DKK3: variants seen among roughly 807,000 people sequenced by gnomAD.
DKK3 encodes the protein dickkopf Wnt signaling pathway inhibitor 3.
Under a neutral mutation model 33.2 loss-of-function variants are expected in DKK3, and 22 were observed. The observed-to-expected ratio is 0.66, with a 90% CI of 0.47 to 0.95. The LOEUF (loss-of-function observed/expected upper bound fraction) is 0.95, where lower values mean the gene tolerates loss of function less well. DKK3 is among the 40% of genes least tolerant of loss of function. The probability of loss-of-function intolerance (pLI) is 0.00; values close to 1 mark genes in which losing one functional copy is unlikely to be tolerated. For missense variants in DKK3, 398 were observed against 458.4 expected, an observed-to-expected ratio of 0.87 and a Z score of 1.20; for synonymous variants, 194 against 188.8, an observed-to-expected ratio of 1.03 and a Z score of -0.23.
intron 3 of DKK3, among the ~76,000 whole-genome samples, chr11:11,969,330 A>G (rs538968255): frequency 5.3e-5 from 8 of 152,174 alleles, no homozygotes; most frequent in Admixed American, 2.0e-4. Flanking sequence ...AGGAGGGAAC[A>G]TGATGACAGG....
intron 3 of DKK3, among the ~76,000 whole-genome samples, chr11:11,991,971 T>C (rs1168303423): frequency 6.6e-6 from 1 of 152,244 alleles, no homozygotes; most frequent in Non-Finnish European, 1.5e-5. Context: ...CATATTGTAA[T>C]GACTTGTTTA....
intron 1 of DKK3, among the ~76,000 whole-genome samples, chr11:12,005,428 C>T (rs1848517827): frequency 6.6e-6 from 1 of 152,178 alleles, no homozygotes; most frequent in Non-Finnish European, 1.5e-5. Flanking sequence ...GCAGTAAGAA[C>T]ATTCTAAAAT....
At chr11:11,976,412 G>A (rs561116083) in intron 3 of DKK3, among the ~76,000 whole-genome samples, 9 of 152,368 alleles carry the variant, frequency 5.9e-5, no homozygotes, top group South Asian at 4.1e-4. Context: ...ACCTCAGCTC[G>A]TCCTCACACT....
At chr11:11,996,100 T>C (rs762578732) in intron 3 of DKK3, among the ~76,000 whole-genome samples, 6 of 152,224 alleles carry the variant, frequency 3.9e-5, no homozygotes, top group Non-Finnish European at 8.8e-5. Context: ...AGCTCCTGTG[T>C]ATAGTATTTT....
intron 4 of DKK3, 48 bp downstream of exon 4, chr11:11,968,347 G>C: frequency 1.3e-6 from 2 of 1,555,346 alleles, no homozygotes; most frequent in Middle Eastern, 1.7e-4. Context: ...TCTCCCCCAG[G>C]TGCCTGAGAC....
At chr11:12,003,102 C>G (rs1270518048) in intron 1 of DKK3, among the ~76,000 whole-genome samples, 1 of 152,242 alleles carries the variant, frequency 6.6e-6, no homozygotes, top group Admixed American at 6.5e-5. Flanking sequence ...GCAGGCATAC[C>G]GTTGATTGTC....
chr11:12,007,866 T>C (rs764933074), intron 1 of DKK3, among the ~76,000 whole-genome samples: 1 of 152,148 alleles, frequency 6.6e-6, no homozygotes, highest in African/African-American at 2.4e-5. Flanking sequence ...GCCCCCACAT[T>C]GCGTGAGAAG....
At chr11:11,978,434 CTT>C (rs1847882869) in intron 3 of DKK3, among the ~76,000 whole-genome samples, 1 of 151,914 alleles carries the variant, frequency 6.6e-6, no homozygotes, top group African/African-American at 2.4e-5. Flanking sequence ...TCCTCTTCTT[CTT>C]CCTCTTCCTC....
At chr11:12,007,347 G>T (rs886976292) in intron 1 of DKK3, among the ~76,000 whole-genome samples, 5 of 152,180 alleles carry the variant, frequency 3.3e-5, no homozygotes, top group African/African-American at 1.2e-4. Context: ...CACTAGGACG[G>T]CTGGCTCCTC....
chr11:11,991,184 C>G (rs537516071), intron 3 of DKK3, among the ~76,000 whole-genome samples: 1 of 152,350 alleles, frequency 6.6e-6, no homozygotes, highest in East Asian at 1.9e-4. Context: ...CAAACCTGCC[C>G]TCTGCCAAGG....
intron 3 of DKK3, among the ~76,000 whole-genome samples, chr11:11,995,528 G>A (rs1021912755): frequency 1.3e-5 from 2 of 152,226 alleles, no homozygotes; most frequent in African/African-American, 4.8e-5. Flanking sequence ...AACACATGCA[G>A]GACATGCTAA....
chr11:11,990,099 A>G (rs1380920936), intron 3 of DKK3, among the ~76,000 whole-genome samples: 2 of 152,344 alleles, frequency 1.3e-5, no homozygotes, highest in South Asian at 2.1e-4. Context: ...CAGGGCCACA[A>G]ATTTGGCAGC....
intron 3 of DKK3, among the ~76,000 whole-genome samples, chr11:11,992,874 GA>G (rs1458951646): frequency 2.0e-5 from 3 of 152,058 alleles, no homozygotes; most frequent in Non-Finnish European, 2.9e-5. Flanking sequence ...CAATGCAAAT[GA>G]TCTTTATATT....
chr11:12,002,909 T>C (rs2133332450), intron 1 of DKK3, among the ~76,000 whole-genome samples: 1 of 152,296 alleles, frequency 6.6e-6, no homozygotes, highest in Middle Eastern at 3.4e-3. Context: ...CAAAGTATGC[T>C]CAGTCTGCAG....
chr11:11,966,027 G>A (rs1252504437), intron 5 of DKK3, 62 bp from the exon 6 acceptor site: 2 of 1,525,950 alleles, frequency 1.3e-6, no homozygotes, highest in African/African-American at 1.4e-5. Flanking sequence ...TCCAAAGGGA[G>A]GGGCAAAGAA....
At chr11:11,989,312 A>C (rs1485114218) in intron 3 of DKK3, among the ~76,000 whole-genome samples, 1 of 152,236 alleles carries the variant, frequency 6.6e-6, no homozygotes, top group Non-Finnish European at 1.5e-5. Flanking sequence ...GAAGCAACCC[A>C]AGGGTGCATT....
At chr11:11,996,054 T>A (rs1022902961) in intron 3 of DKK3, among the ~76,000 whole-genome samples, 1 of 152,250 alleles carries the variant, frequency 6.6e-6, no homozygotes, top group Non-Finnish European at 1.5e-5. Context: ...TTACTTTTAA[T>A]TGAATTCATC....
At chr11:11,968,933 C>T (rs1195867161) in intron 3 of DKK3, among the ~76,000 whole-genome samples, 3 of 152,198 alleles carry the variant, frequency 2.0e-5, no homozygotes, top group South Asian at 2.1e-4. Context: ...GAGGGGGCAT[C>T]GCTAGGGACC....
intron 3 of DKK3, among the ~76,000 whole-genome samples, chr11:11,976,276 T>C (rs1299339309): frequency 2.0e-5 from 3 of 152,118 alleles, no homozygotes; most frequent in Non-Finnish European, 4.4e-5. Flanking sequence ...AGGAGGACAG[T>C]TGCAATGGAA....
Sources: allele counts gnomAD v4.1 joint callset (sites outside exome capture counted in the v4.1 genomes callset), GRCh38; gene constraint gnomAD v4.1.1; transcripts MANE v1.5; gene names NCBI Gene and HGNC (gene_info 2026-07-23, HGNC 2026-07-21).